The following NOS1AP variants were observed in gnomAD, a reference collection of about 807,000 sequenced individuals.
The protein encoded by NOS1AP is nitric oxide synthase 1 adaptor protein, also known as carboxyl-terminal PDZ ligand of neuronal nitric oxide synthase protein.
A neutral mutation model predicts 56.2 loss-of-function variants in NOS1AP; 21 were observed. The ratio of observed to expected loss-of-function variants is 0.37; its 90% confidence interval spans 0.26 to 0.54. NOS1AP has a LOEUF of 0.54. Ranked by LOEUF, NOS1AP falls within the 20% of genes least tolerant of loss-of-function variation. NOS1AP has a pLI of 0.84. For missense variants in NOS1AP, 522 were observed against 657.8 expected (o/e 0.79, Z 2.26); for synonymous variants, 270 against 274.6 (o/e 0.98, Z 0.17).
intron 2 of NOS1AP, among the ~76,000 whole-genome samples, chr1:162,166,894 T>A (rs1337919698): frequency 1.3e-5 from 2 of 152,134 alleles, no homozygotes; most frequent in Non-Finnish European, 2.9e-5. Flanking sequence ...GCCCTTTTGG[T>A]CAGGATCCTT....
intron 2 of NOS1AP, among the ~76,000 whole-genome samples, chr1:162,174,653 C>T (rs972137721): frequency 6.6e-6 from 1 of 152,172 alleles, no homozygotes; most frequent in African/African-American, 2.4e-5. Context: ...TTCTTGCATA[C>T]CCAACACCCA....
At chr1:162,177,134 C>T (rs998798239) in intron 2 of NOS1AP, among the ~76,000 whole-genome samples, 2 of 152,116 alleles carry the variant, frequency 1.3e-5, no homozygotes, top group Non-Finnish European at 2.9e-5. Context: ...AAGCATTGAC[C>T]ACCCTTCTTG....
At chr1:162,149,659 T>C (rs2102088051) in intron 1 of NOS1AP, among the ~76,000 whole-genome samples, 1 of 152,350 alleles carries the variant, frequency 6.6e-6, no homozygotes, top group African/African-American at 2.4e-5. Context: ...TTAGAGTGGA[T>C]GTTTAGCTTT....
intron 2 of NOS1AP, 57 bp from the exon 3 acceptor site, chr1:162,287,287 A>G: frequency 7.9e-7 from 1 of 1,266,006 alleles, no homozygotes; most frequent in Non-Finnish European, 1.2e-6. Flanking sequence ...CTGGGTCTGT[A>G]TAGATGCACT....
At chr1:162,186,508 G>A (rs1482809685) in intron 2 of NOS1AP, among the ~76,000 whole-genome samples, 2 of 152,170 alleles carry the variant, frequency 1.3e-5, no homozygotes, top group African/African-American at 2.4e-5. Context: ...CGGGTGGACT[G>A]AGTGTGTCTC....
At chr1:162,256,446 G>A (rs1410438374) in intron 2 of NOS1AP, among the ~76,000 whole-genome samples, 2 of 152,080 alleles carry the variant, frequency 1.3e-5, no homozygotes, top group Admixed American at 6.6e-5. Context: ...TTCCCTTGTT[G>A]GCCAATCCCC....
At chr1:162,090,198 G>A (rs1692097721) in intron 1 of NOS1AP, among the ~76,000 whole-genome samples, 2 of 150,462 alleles carry the variant, frequency 1.3e-5, no homozygotes, top group Non-Finnish European at 3.0e-5. Context: ...CTCTTTGTAT[G>A]CGAAAGGTCA....
intron 2 of NOS1AP, among the ~76,000 whole-genome samples, chr1:162,166,086 C>T (rs780635274): frequency 9.2e-5 from 14 of 152,132 alleles, no homozygotes; most frequent in Non-Finnish European, 1.5e-4. Flanking sequence ...TACAGATGTG[C>T]CTCTTAAATA....
At chr1:162,263,635 C>T (rs1448072009) in intron 2 of NOS1AP, among the ~76,000 whole-genome samples, 1 of 152,174 alleles carries the variant, frequency 6.6e-6, no homozygotes, top group Non-Finnish European at 1.5e-5. Context: ...TTTACTCTCA[C>T]CCTAGGCAAT....
intron 5 of NOS1AP, among the ~76,000 whole-genome samples, chr1:162,337,769 G>A (rs1343104825): frequency 6.6e-6 from 1 of 152,118 alleles, no homozygotes; most frequent in South Asian, 2.1e-4. Context: ...AATCACACCT[G>A]CTTTGAAACT....
At chr1:162,180,825 G>A (rs914986366) in intron 2 of NOS1AP, among the ~76,000 whole-genome samples, 1 of 152,212 alleles carries the variant, frequency 6.6e-6, no homozygotes, top group Non-Finnish European at 1.5e-5. Context: ...GAGGACCCAT[G>A]TAAGCTGTAT....
At chr1:162,248,809 A>G (rs2101689392) in intron 2 of NOS1AP, among the ~76,000 whole-genome samples, 1 of 152,280 alleles carries the variant, frequency 6.6e-6, no homozygotes, top group Non-Finnish European at 1.5e-5. Flanking sequence ...TGGAGATTAG[A>G]GGTTTTGTTA....
chr1:162,144,804 CTT>C (rs775095596), intron 1 of NOS1AP, among the ~76,000 whole-genome samples: 38 of 152,146 alleles, frequency 2.5e-4, no homozygotes, highest in Non-Finnish European at 1.2e-4. Context: ...TTTCTCTCCT[CTT>C]TGCTGTACCC....
intron 4 of NOS1AP, among the ~76,000 whole-genome samples, chr1:162,331,720 T>C (rs1249355255): frequency 1.3e-5 from 2 of 152,196 alleles, no homozygotes; most frequent in Admixed American, 6.5e-5. Context: ...TGATGTGGCC[T>C]CTTAGGTGCT....
intron 4 of NOS1AP, among the ~76,000 whole-genome samples, chr1:162,307,156 A>T (rs781221067): frequency 1.3e-5 from 2 of 152,178 alleles, no homozygotes. Context: ...ACTAAATAGT[A>T]TTGGAGTAGT....
intron 4 of NOS1AP, among the ~76,000 whole-genome samples, chr1:162,305,249 A>G (rs1385977922): frequency 6.6e-6 from 1 of 152,118 alleles, no homozygotes; most frequent in Non-Finnish European, 1.5e-5. Flanking sequence ...AAACTTTTTT[A>G]TCACTCCAAA....
chr1:162,246,844 G>A (rs73019409), intron 2 of NOS1AP, among the ~76,000 whole-genome samples: 2,243 of 152,218 alleles, frequency 0.015, 61 homozygotes, highest in African/African-American at 0.051. Flanking sequence ...GTTTGTCCTC[G>A]CTAGAGAGAT....
chr1:162,318,614 T>G lies in NOS1AP; in HGVS notation c.345-14403T>G, dbSNP rs190047852. 7.5e-4 allele frequency among the ~76,000 whole-genome samples: 114 copies of G among 152,268 alleles called. 1 individual carries two copies. Among genetic ancestry groups the G allele is most frequent in the Middle Eastern group, 3.4e-3 (1 of 294 alleles). On this transcript the variant is annotated intron_variant, in intron 4 of 9. Coordinates refer to ENST00000361897, the MANE Select transcript of NOS1AP (RefSeq NM_014697.3). ...TTACGCCCTCCATTTAAATGGGTACTGTTAGTGGGATTCTCTCAATGAGCC... is the reference window on the plus strand; with the variant it reads ...TTACGCCCTCCATTTAAATGGGTACGGTTAGTGGGATTCTCTCAATGAGCC...
intron 3 of NOS1AP, among the ~76,000 whole-genome samples, chr1:162,291,015 A>G (rs1017614715): frequency 5.6e-5 from 7 of 125,566 alleles, no homozygotes; most frequent in African/African-American, 1.7e-4. Context: ...TTGAGAATCT[A>G]CTGGACTATC....
Sources: gnomAD v4.1 joint callset for allele counts (sites outside exome capture counted in the v4.1 genomes callset) on GRCh38, gnomAD v4.1.1 for gene constraint, MANE v1.5 for transcripts, NCBI Gene and HGNC (gene_info 2026-07-23, HGNC 2026-07-21) for gene names.